NCOA1: variants seen among roughly 807,000 people sequenced by gnomAD.
The protein encoded by NCOA1 is nuclear receptor coactivator 1.
Under a neutral mutation model 150.9 loss-of-function variants are expected in NCOA1, and 35 were observed. The ratio of observed to expected loss-of-function variants is 0.23; its 90% CI spans 0.18 to 0.31. The LOEUF (loss-of-function observed/expected upper bound fraction) is 0.31. Ranked by LOEUF, NCOA1 falls within the 10% of genes least tolerant of loss-of-function variation. NCOA1 has a pLI of 1.00. For synonymous variants in NCOA1, 590 were observed against 630.0 expected (o/e 0.94, Z 0.95); for missense variants, 1,491 against 1,749.3 (o/e 0.85, Z 2.63).
At chr2:24,761,786 A>C (rs931075785) in intron 21 of NCOA1, among the ~76,000 whole-genome samples, 1 of 152,234 alleles carries the variant, frequency 6.6e-6, no homozygotes, top group African/African-American at 2.4e-5. Context: ...TACTGCGACC[A>C]AAGCAGTATT....
At chr2:24,729,152 C>T (rs910141131) in intron 16 of NCOA1, among the ~76,000 whole-genome samples, 43 of 152,258 alleles carry the variant, frequency 2.8e-4, no homozygotes, top group Non-Finnish European at 5.1e-4. Context: ...AAAATGCCTG[C>T]TTGATCCCTC....
chr2:24,634,104 A>G (rs930915827), intron 3 of NCOA1, among the ~76,000 whole-genome samples: 12 of 152,184 alleles, frequency 7.9e-5, no homozygotes, highest in African/African-American at 2.9e-4. Context: ...ATATTTCAAA[A>G]CATAAAACGT....
At chr2:24,587,626 T>C (rs2148326020) in intron 3 of NCOA1, among the ~76,000 whole-genome samples, 1 of 152,372 alleles carries the variant, frequency 6.6e-6, no homozygotes, top group South Asian at 2.1e-4. Flanking sequence ...CCAATAAAGT[T>C]AGGAACATTT....
chr2:24,725,192 A>T (rs1674552402), intron 14 of NCOA1, among the ~76,000 whole-genome samples: 1 of 152,152 alleles, frequency 6.6e-6, no homozygotes, highest in African/African-American at 2.4e-5. Context: ...TTCGAATGAG[A>T]AATTCTACCT....
At chr2:24,613,203 A>G (rs1419521703) in intron 3 of NCOA1, among the ~76,000 whole-genome samples, 1 of 151,846 alleles carries the variant, frequency 6.6e-6, no homozygotes, top group Admixed American at 6.6e-5. Flanking sequence ...CAGATTTTAT[A>G]TTGGGCTGTA....
chr2:24,673,488 A>G, intron 7 of NCOA1, 25 bp downstream of exon 7: 2 of 1,499,096 alleles, frequency 1.3e-6, no homozygotes, highest in Non-Finnish European at 1.8e-6. Flanking sequence ...TGACTCAGAA[A>G]GTGATTAAAA....
intron 1 of NCOA1, among the ~76,000 whole-genome samples, chr2:24,495,907 A>G (rs1356942695): frequency 6.6e-6 from 1 of 152,208 alleles, no homozygotes; most frequent in Non-Finnish European, 1.5e-5. Context: ...TGGCACATAG[A>G]CATTAATGAC....
At chr2:24,557,555 T>C (rs1044597999) in intron 1 of NCOA1, among the ~76,000 whole-genome samples, 3 of 150,454 alleles carry the variant, frequency 2.0e-5, no homozygotes, top group Non-Finnish European at 3.0e-5. Flanking sequence ...TCCCCTCCCT[T>C]CCCCCTTTTT....
Position 24,547,014 on chromosome 2 carries a change from G to T in NCOA1, c.-395-17281G>T, listed in dbSNP as rs577694238. ...CAGAGCAAGTCACAAGGCCAGCCAGGATTCAAGGGACTGGGAAATAAAGCC... is the reference window on the plus strand; with the variant it reads ...CAGAGCAAGTCACAAGGCCAGCCAGTATTCAAGGGACTGGGAAATAAAGCC... On this transcript the variant is annotated intron_variant, in intron 1 of 22. Transcript: ENST00000348332. Among the ~76,000 whole-genome samples, 66 of 152,322 alleles carry T rather than the reference G, an allele frequency of 4.3e-4. 1 individual carries two copies. In the South Asian group the frequency reaches 0.013, roughly 30 times the overall value.
At chr2:24,739,910 T>C (rs1236418967) in intron 18 of NCOA1, among the ~76,000 whole-genome samples, 1 of 152,098 alleles carries the variant, frequency 6.6e-6, no homozygotes, top group Admixed American at 6.5e-5. Flanking sequence ...TTAACTATCT[T>C]GTGTACTATG....
At chr2:24,768,178 G>C in intron 22 of NCOA1, 43 bp from the exon 23 acceptor site, 1 of 1,613,416 alleles carries the variant, frequency 6.2e-7, no homozygotes, top group Non-Finnish European at 8.5e-7. Flanking sequence ...AAGCCGGGGG[G>C]GCAGACCCTT....
intron 17 of NCOA1, among the ~76,000 whole-genome samples, chr2:24,735,112 C>A (rs1451511203): frequency 6.6e-6 from 1 of 152,112 alleles, no homozygotes; most frequent in Non-Finnish European, 1.5e-5. Context: ...ATGAAAATAT[C>A]TCTGTAGCCT....
At chr2:24,515,710 G>A (rs1476160477) in intron 1 of NCOA1, among the ~76,000 whole-genome samples, 1 of 152,094 alleles carries the variant, frequency 6.6e-6, no homozygotes, top group Non-Finnish European at 1.5e-5. Context: ...GGAAACTAGG[G>A]GGAAATGTTA....
chr2:24,757,926 T>C (rs773843472), intron 20 of NCOA1, 47 bp from the exon 21 acceptor site: 1 of 1,593,026 alleles, frequency 6.3e-7, no homozygotes, highest in South Asian at 1.1e-5. Context: ...ATATATCCCC[T>C]TGTTCATGAT....
At chr2:24,515,293 C>T (rs1010679668) in intron 1 of NCOA1, among the ~76,000 whole-genome samples, 49 of 152,102 alleles carry the variant, frequency 3.2e-4, no homozygotes, top group African/African-American at 9.6e-4. Flanking sequence ...AGTGCAGTGG[C>T]GCGATCATGG....
At chr2:24,673,217 A>T (rs1572572659) in intron 6 of NCOA1, 149 bp from the exon 7 acceptor site, 2 of 469,592 alleles carry the variant, frequency 4.3e-6, no homozygotes, top group Non-Finnish European at 7.5e-6. Context: ...CCATAAAATG[A>T]GTATAATTAA....
intron 21 of NCOA1, among the ~76,000 whole-genome samples, chr2:24,761,005 AC>A (rs1415523407): frequency 1.3e-5 from 2 of 151,966 alleles, no homozygotes; most frequent in Non-Finnish European, 2.9e-5. Context: ...GCGCCACCAC[AC>A]CCAGCTAATT....
At chr2:24,529,413 G>A (rs553020763) in intron 1 of NCOA1, among the ~76,000 whole-genome samples, 1 of 152,268 alleles carries the variant, frequency 6.6e-6, no homozygotes, top group Non-Finnish European at 1.5e-5. Context: ...CTTCAGCCTT[G>A]AATTCTTGGG....
chr2:24,717,967 G>T (rs1009122177), intron 14 of NCOA1, among the ~76,000 whole-genome samples: 1 of 146,424 alleles, frequency 6.8e-6, no homozygotes, highest in Non-Finnish European at 1.5e-5. Context: ...CATGATTGCC[G>T]CTCGCTACAA....
Sources: gnomAD v4.1 joint callset for allele counts (sites outside exome capture counted in the v4.1 genomes callset) on GRCh38, gnomAD v4.1.1 for gene constraint, MANE v1.5 for transcripts, NCBI Gene and HGNC (gene_info 2026-07-23, HGNC 2026-07-21) for gene names.